Variants in NMT2 observed in about 807,000 individuals in gnomAD.
NMT2 encodes the protein glycylpeptide N-tetradecanoyltransferase 2.
NMT2 carries 35 observed loss-of-function variants against 65.4 expected under a neutral mutation model. The observed-to-expected ratio is 0.54, with a 90% CI of 0.41 to 0.71. The LOEUF (loss-of-function observed/expected upper bound fraction) is 0.71, where lower values mean the gene tolerates loss of function less well. Among genes scored for constraint, NMT2 ranks in the 30% least tolerant of loss-of-function variants. NMT2 has a pLI of 0.00. For synonymous variants in NMT2, 226 were observed against 231.8 expected, an observed-to-expected ratio of 0.98 and a Z score of 0.23; for missense variants, 489 against 611.3, an observed-to-expected ratio of 0.80 and a Z score of 2.11.
chr10:15,142,267 T>C (rs1297060911), intron 1 of NMT2, among the ~76,000 whole-genome samples: 1 of 152,196 alleles, frequency 6.6e-6, no homozygotes, highest in Non-Finnish European at 1.5e-5. Flanking sequence ...GTTTAAGAAC[T>C]AAGCACGCTG....
At chr10:15,164,211 T>G (rs758422654) in intron 1 of NMT2, among the ~76,000 whole-genome samples, 43 of 148,064 alleles carry the variant, frequency 2.9e-4, no homozygotes, top group Non-Finnish European at 5.1e-4. Flanking sequence ...AAAAAAGGTC[T>G]TAACCCTATT....
intron 2 of NMT2, 147 bp from the exon 3 acceptor site, chr10:15,135,565 G>T (rs1352118062): frequency 4.2e-5 from 31 of 746,606 alleles, no homozygotes; most frequent in Non-Finnish European, 6.1e-5. Context: ...GGGCTTGTGT[G>T]TTACACATGA....
At chr10:15,110,341 G>A (rs1362387468) in intron 10 of NMT2, among the ~76,000 whole-genome samples, 3 of 152,116 alleles carry the variant, frequency 2.0e-5, no homozygotes, top group Admixed American at 6.5e-5. Flanking sequence ...GTGGCTGGAT[G>A]TGGTGGCTCA....
chr10:15,143,584 T>C (rs1480108774), intron 1 of NMT2, among the ~76,000 whole-genome samples: 1 of 152,210 alleles, frequency 6.6e-6, no homozygotes, highest in Non-Finnish European at 1.5e-5. Flanking sequence ...CAGCCAGGCA[T>C]GGTGGCTCAC....
intron 3 of NMT2, 117 bp from the exon 4 acceptor site, chr10:15,133,480 G>T: frequency 1.4e-6 from 1 of 733,258 alleles, no homozygotes; most frequent in Non-Finnish European, 2.4e-6. Context: ...TAGGGCCCTC[G>T]GGTTTCAGAT....
chr10:15,127,411 C>G (rs1166413820), intron 8 of NMT2, among the ~76,000 whole-genome samples: 6 of 148,626 alleles, frequency 4.0e-5, no homozygotes, highest in Non-Finnish European at 8.9e-5. Context: ...GCCGGGCATG[C>G]TGGCGGGCGC....
intron 1 of NMT2, among the ~76,000 whole-genome samples, chr10:15,164,803 C>T (rs973513540): frequency 6.6e-6 from 1 of 151,722 alleles, no homozygotes; most frequent in Admixed American, 6.6e-5. Context: ...AGGCCGAGGC[C>T]AGGGGATCAC....
chr10:15,129,150 C>CA (rs1368407396), intron 7 of NMT2, among the ~76,000 whole-genome samples: 1 of 152,204 alleles, frequency 6.6e-6, no homozygotes, highest in Non-Finnish European at 1.5e-5. Flanking sequence ...TTACAGCCTA[C>CA]ACACCAAAGA....
rs115625379 is a variant in NMT2 at position 15,147,077 on chromosome 10, G to A, written c.111-5520C>T. Among the ~76,000 whole-genome samples the A allele has an allele frequency of 4.1e-4, 40 of 97,616 alleles. 1 individual carries two copies. Among genetic ancestry groups the A allele is most frequent in the East Asian group, 1.8e-3 (5 of 2,740 alleles). 64.0% of individuals were successfully genotyped at this position (97,616 alleles called of 152,430 possible). A position where few individuals can be genotyped will look rare whatever the true frequency, so the allele number is the denominator to read the frequency against. ...CACTCCATTCCAGCTGGGCAACAGCGAAAGATCCTCTCGCTCTCAAAAAAA... is the reference window on the plus strand; with the variant it reads ...CACTCCATTCCAGCTGGGCAACAGCAAAAGATCCTCTCGCTCTCAAAAAAA... On this transcript the variant is annotated intron_variant, in intron 1 of 11. Coordinates refer to ENST00000378165, the MANE Select transcript of NMT2 (RefSeq NM_004808.3).
At chr10:15,157,795 G>A (rs1047986490) in intron 1 of NMT2, among the ~76,000 whole-genome samples, 17 of 152,124 alleles carry the variant, frequency 1.1e-4, no homozygotes, top group Non-Finnish European at 2.1e-4. Flanking sequence ...TGGCTCCAAA[G>A]GTGTTCAGGT....
chr10:15,143,050 A>G (rs1004032682), intron 1 of NMT2, among the ~76,000 whole-genome samples: 19 of 152,174 alleles, frequency 1.2e-4, no homozygotes, highest in Non-Finnish European at 2.4e-4. Flanking sequence ...TAAGGTCTCC[A>G]ATGCCTCACA....
At chr10:15,161,182 C>T (rs932705620) in intron 1 of NMT2, among the ~76,000 whole-genome samples, 2 of 140,616 alleles carry the variant, frequency 1.4e-5, no homozygotes, top group African/African-American at 2.7e-5. Context: ...TCAAGGAAAA[C>T]GATTGTTATC....
intron 2 of NMT2, chr10:15,141,009 C>A (rs1046082504): frequency 1.3e-6 from 2 of 1,550,988 alleles, no homozygotes; most frequent in Non-Finnish European, 1.7e-6. Flanking sequence ...CCGCTGAAAT[C>A]TGCTGCCAGA....
rs558545150 is a variant in NMT2, at chr10:15,130,177, C to T, written c.855G>A (p.Ala285=). The change falls in exon 7 of 12, where the codon GCG becomes GCA. Residue 285 remains alanine, a synonymous_variant. Coordinates refer to ENST00000378165, the MANE Select transcript of NMT2 (RefSeq NM_004808.3). Reference sequence around the variant, plus strand: ...CTATGGGCTTAGGAAGAACCACTCCCGCGGTGTACACAGCCTGGAAGATCC... The same window carrying T: ...CTATGGGCTTAGGAAGAACCACTCCTGCGGTGTACACAGCCTGGAAGATCC... ...LEGIFQAVYT[A]GVVLPKPIAT... is the part of the protein sequence containing the mutation. 1.0e-5 allele frequency: 16 copies of T among 1,590,840 alleles called. No individual in the cohort carries two copies. In the African/African-American group the frequency reaches 1.6e-4, roughly 16 times the overall value.
At chr10:15,141,278 G>A in intron 2 of NMT2, 144 bp downstream of exon 2, 2 of 1,119,488 alleles carry the variant, frequency 1.8e-6, no homozygotes, top group Non-Finnish European at 2.6e-6. Context: ...TAAGGAGGCT[G>A]TCAAGAGCTT....
Position 15,119,416 on chromosome 10 carries a change from G to A in NMT2, c.1097C>T (p.Pro366Leu), listed in dbSNP as rs1845850591. 6.2e-7 allele frequency: 1 copy of A among 1,614,094 alleles called. No individual in the cohort carries two copies. Among genetic ancestry groups the A allele is most frequent in the South Asian group, 1.1e-5 (1 of 91,084 alleles). The change falls in exon 9 of 12, where the codon CCA (proline) becomes CTA (leucine). Residue 366 changes from proline (P) to leucine (L), a missense_variant. Coordinates refer to ENST00000378165, the MANE Select transcript of NMT2 (RefSeq NM_004808.3). ...GGCTACTTCCTCTTCATCCATCACT[G>A]GAGCCAGATGAAACTGCTTCAGGTA... is the stretch of plus-strand genomic sequence containing the variant. Reference protein sequence around the residue: ...NTYLKQFHLAPVMDEEEVAHW... With the variant: ...NTYLKQFHLALVMDEEEVAHW...
At chr10:15,163,533 G>C (rs571292487) in intron 1 of NMT2, among the ~76,000 whole-genome samples, 1 of 152,152 alleles carries the variant, frequency 6.6e-6, no homozygotes, top group Admixed American at 6.5e-5. Flanking sequence ...AAAGACTGTC[G>C]TTAATCTATT....
At chr10:15,109,619 C>G (rs939841176) in intron 11 of NMT2, 83 bp downstream of exon 11, 41 of 1,019,238 alleles carry the variant, frequency 4.0e-5, no homozygotes, top group Middle Eastern at 6.2e-4. Context: ...TAAAATAAAG[C>G]TGTCTTAAGT....
intron 3 of NMT2, 70 bp downstream of exon 3, chr10:15,135,192 TTTGTTGTTGTTG>T (rs574625256): frequency 9.5e-5 from 119 of 1,247,792 alleles, no homozygotes; most frequent in Middle Eastern, 5.7e-4. Flanking sequence ...CTCTTTGTGT[TTTGTTGTTGTTG>T]TTGTTGTTGT....
Sources: allele counts gnomAD v4.1 joint callset (sites outside exome capture counted in the v4.1 genomes callset), GRCh38; gene constraint gnomAD v4.1.1; transcripts MANE v1.5; gene names NCBI Gene and HGNC (gene_info 2026-07-23, HGNC 2026-07-21).